Variants in MAP3K20 observed in about 807,000 individuals in gnomAD.
MAP3K20 encodes mitogen-activated protein kinase kinase kinase 20.
Under a neutral mutation model 85.7 loss-of-function variants are expected in MAP3K20, and 40 were observed. That is an observed-to-expected ratio of 0.47 (90% CI 0.36 to 0.61). MAP3K20 has a LOEUF of 0.61. Ranked by LOEUF, MAP3K20 falls within the 20% of genes least tolerant of loss-of-function variation. The pLI, the probability that MAP3K20 is intolerant of heterozygous loss-of-function variation, is 0.00. For synonymous variants in MAP3K20, 325 were observed against 327.7 expected (o/e 0.99, Z 0.09); for missense variants, 817 against 961.7 (o/e 0.85, Z 1.99).
At chr2:173,156,350 G>T (rs1689470190) in intron 2 of MAP3K20, among the ~76,000 whole-genome samples, 1 of 152,160 alleles carries the variant, frequency 6.6e-6, no homozygotes, top group Non-Finnish European at 1.5e-5. Context: ...CCTCAACCTG[G>T]TCAACCGAAG....
At chr2:173,149,222 C>A (rs1028467966) in intron 2 of MAP3K20, among the ~76,000 whole-genome samples, 1 of 152,154 alleles carries the variant, frequency 6.6e-6, no homozygotes, top group African/African-American at 2.4e-5. Context: ...TTTCACTGTA[C>A]AAAGTGTTCT....
intron 1 of MAP3K20, among the ~76,000 whole-genome samples, chr2:173,077,938 T>C (rs1686911790): frequency 6.6e-6 from 1 of 152,248 alleles, no homozygotes; most frequent in Non-Finnish European, 1.5e-5. Flanking sequence ...TGAGTGTTAT[T>C]GGCAATATAT....
At chr2:173,157,878 G>A (rs75628297) in intron 2 of MAP3K20, among the ~76,000 whole-genome samples, 3,285 of 152,324 alleles carry the variant, frequency 0.022, 61 homozygotes, top group South Asian at 0.047. Flanking sequence ...GGCCCTAAGA[G>A]GAAGCTGATG....
intron 2 of MAP3K20, among the ~76,000 whole-genome samples, chr2:173,133,887 A>T (rs937290336): frequency 6.6e-5 from 10 of 151,064 alleles, no homozygotes; most frequent in African/African-American, 2.2e-4. Context: ...GCTACTTGGG[A>T]GGCTGAGGCA....
chr2:173,169,542 C>T (rs1466110037), intron 2 of MAP3K20, among the ~76,000 whole-genome samples: 1 of 151,450 alleles, frequency 6.6e-6, no homozygotes, highest in African/African-American at 2.4e-5. Flanking sequence ...ACAACATAGA[C>T]CCCATCTCTT....
At position 173,099,085 on chromosome 2, in the gene MAP3K20, G is replaced by A. The variant is rs552720275; in HGVS notation, c.159+7895G>A. On this transcript the variant is annotated intron_variant, in intron 2 of 19. Coordinates refer to ENST00000375213, the MANE Select transcript of MAP3K20 (RefSeq NM_016653.3). ...TTTGGGTACCTTGTCAAAAAGTGGC[G>A]GAGAGGTTTTTGCTCTTAGAGGCCT... Among the ~76,000 whole-genome samples the A allele has an allele frequency of 2.3e-4, 35 of 152,222 alleles. No homozygotes were observed. The East Asian group carries it at 3.3e-3, about 14-fold the overall frequency.
intron 2 of MAP3K20, among the ~76,000 whole-genome samples, chr2:173,107,107 G>A (rs1451282707): frequency 6.6e-6 from 1 of 152,146 alleles, no homozygotes; most frequent in African/African-American, 2.4e-5. Flanking sequence ...GAGTGAACTA[G>A]GGATTGGTAC....
At chr2:173,196,942 T>G (rs565086781) in intron 7 of MAP3K20, among the ~76,000 whole-genome samples, 1 of 128,836 alleles carries the variant, frequency 7.8e-6, no homozygotes, top group Non-Finnish European at 1.7e-5. Context: ...GATAACTGAC[T>G]GTCTTTGGGC....
At chr2:173,191,290 G>A in intron 7 of MAP3K20, 113 bp downstream of exon 7, 1 of 1,410,084 alleles carries the variant, frequency 7.1e-7, no homozygotes, top group East Asian at 2.4e-5. Flanking sequence ...TGTACTGCTG[G>A]TGGAATGCCT....
rs1574174509 is a variant in MAP3K20, at chr2:173,267,037, C to G, written c.*287C>G. The G allele has an allele frequency of 4.4e-6, 1 of 227,768 alleles. No individual in the cohort carries two copies. The highest frequency in any genetic ancestry group is 8.4e-5 in the East Asian group (1 of 11,868). 14.1% of individuals were successfully genotyped at this position (227,768 alleles called of 1,614,324 possible). A position where few individuals can be genotyped will look rare whatever the true frequency, so the allele number is the denominator to read the frequency against. On this transcript the variant is annotated 3_prime_UTR_variant, in exon 20 of 20. Transcript: ENST00000375213. ...TTATGCCATCTTTTTACCCTAACCA[C>G]TGATATTCTGGTTAGCAGGGCCAGG...
intron 15 of MAP3K20, 116 bp downstream of exon 15, chr2:173,238,551 A>G (rs1559294657): frequency 2.2e-6 from 2 of 916,934 alleles, no homozygotes; most frequent in Non-Finnish European, 3.3e-6. Context: ...AAATTTCATC[A>G]TATCTGTCTA....
At chr2:173,150,773 T>C (rs11676841) in intron 2 of MAP3K20, among the ~76,000 whole-genome samples, 4,277 of 152,032 alleles carry the variant, frequency 0.028, 93 homozygotes, top group Non-Finnish European at 0.041. Context: ...ACCGTGTTGG[T>C]CAGGCTGGTC....
At chr2:173,212,389 C>T (rs1417200607) in intron 10 of MAP3K20, 2 of 151,936 alleles carry the variant, frequency 1.3e-5, no homozygotes, top group Non-Finnish European at 2.9e-5. Flanking sequence ...GAGCATATGG[C>T]CATGAAATCT....
At chr2:173,075,774 C>T (rs1686828640), upstream of MAP3K20, 2 of 985,336 alleles carry the variant, frequency 2.0e-6, no homozygotes, top group Non-Finnish European at 2.4e-6. Flanking sequence ...CGCTCGCCCG[C>T]GCGTGTGAGG....
At chr2:173,205,701 C>CT (rs1330027869) in intron 9 of MAP3K20, among the ~76,000 whole-genome samples, 3 of 151,862 alleles carry the variant, frequency 2.0e-5, no homozygotes, top group Non-Finnish European at 4.4e-5. Context: ...TTCCCTTACC[C>CT]TTTTTTTTAA....
At chr2:173,188,059 G>A (rs754651973) in intron 5 of MAP3K20, among the ~76,000 whole-genome samples, 1 of 152,170 alleles carries the variant, frequency 6.6e-6, no homozygotes, top group African/African-American at 2.4e-5. Context: ...TCTGAATTGC[G>A]TGGTGTGAAT....
chr2:173,259,300 A>G (rs1158617627), intron 17 of MAP3K20, among the ~76,000 whole-genome samples: 2 of 152,322 alleles, frequency 1.3e-5, no homozygotes, highest in South Asian at 2.1e-4. Flanking sequence ...GAGTGGCCAG[A>G]GAACATGTTA....
At chr2:173,112,504 T>C (rs1254306009) in intron 2 of MAP3K20, among the ~76,000 whole-genome samples, 1 of 152,222 alleles carries the variant, frequency 6.6e-6, no homozygotes, top group East Asian at 1.9e-4. Context: ...GAGAGAATGC[T>C]TTCAACTTTT....
At chr2:173,230,362 G>A (rs1395867141) in intron 12 of MAP3K20, among the ~76,000 whole-genome samples, 5 of 152,110 alleles carry the variant, frequency 3.3e-5, no homozygotes, top group South Asian at 2.1e-4. Context: ...GGATGGCCTC[G>A]AGCCATGGTA....
Sources: allele counts gnomAD v4.1 joint callset (sites outside exome capture counted in the v4.1 genomes callset), GRCh38; gene constraint gnomAD v4.1.1; transcripts MANE v1.5; gene names NCBI Gene and HGNC (gene_info 2026-07-23, HGNC 2026-07-21).